GABRA3: variants seen among roughly 807,000 people sequenced by gnomAD.
The protein encoded by GABRA3 is gamma-aminobutyric acid type A receptor subunit alpha3.
Under a neutral mutation model 30.1 loss-of-function variants are expected in GABRA3, and 10 were observed. The observed-to-expected ratio is 0.33, with a 90% CI of 0.20 to 0.56. The LOEUF (loss-of-function observed/expected upper bound fraction) is 0.56. Among genes scored for constraint, GABRA3 ranks in the 20% least tolerant of loss-of-function variants. The pLI, the probability that GABRA3 is intolerant of heterozygous loss-of-function variation, is 0.89. For synonymous variants in GABRA3, 151 were observed against 146.8 expected, an observed-to-expected ratio of 1.03 and a Z score of -0.21; for missense variants, 233 against 392.0, an observed-to-expected ratio of 0.59 and a Z score of 3.42.
At chrX:152,320,683 T>G (rs918232548) in intron 3 of GABRA3, among the ~76,000 whole-genome samples, 2 of 111,120 alleles carry the variant, frequency 1.8e-5, no homozygotes, top group African/African-American at 6.5e-5. Context: ...AACTTACTCA[T>G]GTAACAAAAT....
At chrX:152,446,968 C>T (rs934986570) in intron 1 of GABRA3, among the ~76,000 whole-genome samples, 1 of 111,888 alleles carries the variant, frequency 8.9e-6, no homozygotes, top group Non-Finnish European at 1.9e-5. Flanking sequence ...TCCCATCCCC[C>T]AATTCTGCAC....
chrX:152,245,551 T>C (rs952076596), intron 5 of GABRA3, among the ~76,000 whole-genome samples: 73 of 111,433 alleles, frequency 6.6e-4, no homozygotes, highest in African/African-American at 2.1e-3. Flanking sequence ...AGGGAGCACA[T>C]CTGAGTTTTA....
At chrX:152,270,407 C>G (rs1429757285) in intron 4 of GABRA3, among the ~76,000 whole-genome samples, 2 of 111,998 alleles carry the variant, frequency 1.8e-5, no homozygotes, top group South Asian at 3.7e-4. Flanking sequence ...AAATTACAGT[C>G]TTAGGCAGTT....
At position 152,189,743 on chromosome X, in the gene GABRA3, G is replaced by A. The variant is rs201590015; in HGVS notation, c.1130C>T (p.Ala377Val). The stretch of plus-strand genomic sequence containing the variant: ...GCTATATCTCACCTTCATCTCCAGG[G>A]CCTCTGGCACCTTCTTGCCTTCCCA... ...WAWEGKKVPE[A>V]LEMKKKTPAA... Residue 377 changes from alanine to valine, a missense_variant, in exon 9 of 10, where the codon GCC (alanine) becomes GTC (valine). Transcript: ENST00000370314. 8.3e-6 allele frequency: 10 copies of A among 1,202,259 alleles called. No homozygotes were observed. Among genetic ancestry groups the A allele is most frequent in the East Asian group, 5.9e-5 (2 of 33,694 alleles).
At chrX:152,328,215 C>CT (rs1940098017) in intron 3 of GABRA3, among the ~76,000 whole-genome samples, 9 of 111,339 alleles carry the variant, frequency 8.1e-5, no homozygotes, top group African/African-American at 2.9e-4. Context: ...TAATAGCCTA[C>CT]CAACGAAAAA....
At chrX:152,179,202 C>T (rs1434698449) in intron 9 of GABRA3, among the ~76,000 whole-genome samples, 1 of 111,355 alleles carries the variant, frequency 9.0e-6, no homozygotes, top group African/African-American at 3.3e-5. Context: ...ATGTATTTAT[C>T]ATGTACAAAA....
rs1936936322 is a variant in GABRA3 at position 152,166,317 on chromosome X, A to T, written c.*1911T>A. The T allele has an allele frequency of 8.9e-6, 1 of 111,760 alleles. No individual in the cohort carries two copies. The highest frequency in any genetic ancestry group is 9.5e-5 in the Admixed American group (1 of 10,483). 9.2% of individuals were successfully genotyped at this position (111,760 alleles called of 1,213,427 possible). On this transcript the variant is annotated 3_prime_UTR_variant, in exon 10 of 10. Coordinates refer to ENST00000370314, the MANE Select transcript of GABRA3 (RefSeq NM_000808.4). Reference sequence around the variant, plus strand: ...ACACAATTTCTACAGAGAGGCAAAGATCAGGCTTCCATTCTAAGTTCCTTA... The same window carrying T: ...ACACAATTTCTACAGAGAGGCAAAGTTCAGGCTTCCATTCTAAGTTCCTTA...
chrX:152,279,670 G>C (rs961397078), intron 4 of GABRA3, among the ~76,000 whole-genome samples: 4 of 111,259 alleles, frequency 3.6e-5, no homozygotes, highest in East Asian at 5.7e-4. Context: ...AGCTTGATGG[G>C]GATGGCAATG....
At chrX:152,361,629 T>A (rs1252626724) in intron 2 of GABRA3, among the ~76,000 whole-genome samples, 13 of 109,339 alleles carry the variant, frequency 1.2e-4, no homozygotes, top group Non-Finnish European at 2.3e-4. Context: ...CTTAAGAATT[T>A]TTTGTGGTTT....
At chrX:152,230,009 C>A (rs1938037322) in intron 5 of GABRA3, among the ~76,000 whole-genome samples, 1 of 111,377 alleles carries the variant, frequency 9.0e-6, no homozygotes, top group Admixed American at 9.6e-5. Context: ...GACTAAGATA[C>A]TTCCCCTAAG....
intron 8 of GABRA3, among the ~76,000 whole-genome samples, chrX:152,191,461 A>C (rs781473691): frequency 1.3e-4 from 14 of 109,803 alleles, no homozygotes; most frequent in African/African-American, 4.6e-4. Flanking sequence ...TAGATGTACA[A>C]AGTCATTCAA....
At chrX:152,414,872 AC>A (rs1372804568) in intron 1 of GABRA3, among the ~76,000 whole-genome samples, 67 of 93,667 alleles carry the variant, frequency 7.2e-4, no homozygotes, top group African/African-American at 2.4e-3. Context: ...AAAAAAAAAA[AC>A]CATGGAGGAA....
intron 1 of GABRA3, among the ~76,000 whole-genome samples, chrX:152,443,700 G>A (rs1786724421): frequency 9.0e-6 from 1 of 111,541 alleles, no homozygotes; most frequent in African/African-American, 3.3e-5. Context: ...AAGGGGAAGA[G>A]TGAGTGTTGG....
intron 2 of GABRA3, among the ~76,000 whole-genome samples, chrX:152,358,992 C>T (rs1412796376): frequency 6.3e-5 from 7 of 111,380 alleles, no homozygotes; most frequent in African/African-American, 1.3e-4. Flanking sequence ...TTTGCATCTA[C>T]GTTCCTCAAG....
chrX:152,203,415 C>A (rs1937507672), intron 7 of GABRA3, among the ~76,000 whole-genome samples: 3 of 111,916 alleles, frequency 2.7e-5, no homozygotes, highest in Non-Finnish European at 5.6e-5. Flanking sequence ...ATGTCCCTTG[C>A]TGGTTTTGAG....
chrX:152,440,230 A>T (rs1429558851), intron 1 of GABRA3, among the ~76,000 whole-genome samples: 1 of 112,791 alleles, frequency 8.9e-6, no homozygotes, highest in Non-Finnish European at 1.9e-5. Flanking sequence ...GGCACTTCTC[A>T]AAAGAACACA....
chrX:152,205,773 TA>T (rs1396394329), intron 7 of GABRA3, among the ~76,000 whole-genome samples: 3 of 111,807 alleles, frequency 2.7e-5, no homozygotes, highest in East Asian at 5.6e-4. Flanking sequence ...TAAAATTAAA[TA>T]AAAATCAGCT....
chrX:152,213,149 C>T (rs373974785), intron 6 of GABRA3, among the ~76,000 whole-genome samples: 1 of 111,703 alleles, frequency 9.0e-6, no homozygotes, highest in African/African-American at 3.3e-5. Context: ...ATGTAACAGA[C>T]CCCAGGAAAA....
In GABRA3 at chrX:152,271,529, G is replaced by C. The variant is rs574645273; in HGVS notation, c.330+13139C>G. On this transcript the variant is annotated intron_variant, in intron 4 of 9. Coordinates refer to ENST00000370314, the MANE Select transcript of GABRA3 (RefSeq NM_000808.4). ...AGTGTTCAAGAGGAAGCAGAGTATA[G>C]AAGATTGGAAAACGTTCAGCCTGAA... Among the ~76,000 whole-genome samples, 10 of 112,440 alleles carry C rather than the reference G, an allele frequency of 8.9e-5. No homozygotes were observed. In the Admixed American group the frequency reaches 9.4e-4, roughly 11 times the overall value.
Sources: allele counts gnomAD v4.1 joint callset (sites outside exome capture counted in the v4.1 genomes callset), GRCh38; gene constraint gnomAD v4.1.1; transcripts MANE v1.5; gene names NCBI Gene and HGNC (gene_info 2026-07-23, HGNC 2026-07-21).